ARHGEF12: variants seen among roughly 807,000 people sequenced by gnomAD.
ARHGEF12 encodes the protein KMT2A/ARHGEF12 fusion protein.
ARHGEF12 carries 66 observed loss-of-function variants against 211.2 expected under a neutral mutation model. That is an observed-to-expected ratio of 0.31 (90% CI 0.26 to 0.38). The LOEUF is 0.38. ARHGEF12 is among the 10% of genes least tolerant of loss of function. The pLI, the probability that ARHGEF12 is intolerant of heterozygous loss-of-function variation, is 1.00. For missense variants in ARHGEF12, 1,429 were observed against 1,869.5 expected, an observed-to-expected ratio of 0.76 and a Z score of 4.34; for synonymous variants, 592 against 638.4, an observed-to-expected ratio of 0.93 and a Z score of 1.09.
At chr11:120,379,698 C>A (rs575388681) in intron 1 of ARHGEF12, among the ~76,000 whole-genome samples, 2 of 151,992 alleles carry the variant, frequency 1.3e-5, no homozygotes, top group South Asian at 2.1e-4. Context: ...GTATTTTCAT[C>A]TGAGGCTTTT....
At position 120,391,290 on chromosome 11, in the gene ARHGEF12, G is replaced by C. The variant is rs551755957; in HGVS notation, c.33-14828G>C. Among the ~76,000 whole-genome samples the C allele has an allele frequency of 3.9e-5, 6 of 152,154 alleles. No individual in the cohort carries two copies. The South Asian group carries it at 1.2e-3, about 32-fold the overall frequency. Reference sequence around the variant, plus strand: ...ATGATTTTTTTCTAATAAGAATTAAGAAACCTTTGTTCTGATGATGAGCTT... The same window carrying C: ...ATGATTTTTTTCTAATAAGAATTAACAAACCTTTGTTCTGATGATGAGCTT... On this transcript the variant is annotated intron_variant, in intron 1 of 40. Coordinates refer to ENST00000397843, the MANE Select transcript of ARHGEF12 (RefSeq NM_015313.3).
chr11:120,340,105 A>G (rs1026376844), intron 1 of ARHGEF12, among the ~76,000 whole-genome samples: 13 of 152,216 alleles, frequency 8.5e-5, no homozygotes, highest in Non-Finnish European at 2.9e-5. Flanking sequence ...ACAAGTGTAG[A>G]AATGTCTGAT....
chr11:120,405,987 T>C (rs747769999), intron 1 of ARHGEF12, 131 bp from the exon 2 acceptor site: 5 of 652,748 alleles, frequency 7.7e-6, no homozygotes, highest in Non-Finnish European at 1.3e-5. Context: ...CTCCAGCTTA[T>C]TGATTCTTGC....
At chr11:120,460,824 A>T (rs1300756027) in intron 27 of ARHGEF12, 67 bp downstream of exon 27, 2 of 1,351,524 alleles carry the variant, frequency 1.5e-6, no homozygotes, top group Non-Finnish European at 2.1e-6. Context: ...CAAGTTGAGT[A>T]ACTAACCTTT....
At chr11:120,374,929 A>G (rs772143353) in intron 1 of ARHGEF12, among the ~76,000 whole-genome samples, 10 of 152,156 alleles carry the variant, frequency 6.6e-5, no homozygotes, top group Non-Finnish European at 1.5e-4. Flanking sequence ...TTTGGATATC[A>G]ACTCTCAGAA....
intron 1 of ARHGEF12, among the ~76,000 whole-genome samples, chr11:120,369,738 C>T (rs1943536210): frequency 6.6e-6 from 1 of 152,216 alleles, no homozygotes; most frequent in Non-Finnish European, 1.5e-5. Flanking sequence ...AATGTAGCTG[C>T]AACATCTGAT....
intron 1 of ARHGEF12, among the ~76,000 whole-genome samples, chr11:120,380,163 C>T (rs961095423): frequency 6.6e-6 from 1 of 152,158 alleles, no homozygotes; most frequent in Non-Finnish European, 1.5e-5. Flanking sequence ...TAGACTAATC[C>T]TTAAACTTTT....
At chr11:120,371,474 C>T (rs909720992) in intron 1 of ARHGEF12, among the ~76,000 whole-genome samples, 6 of 152,212 alleles carry the variant, frequency 3.9e-5, no homozygotes, top group East Asian at 3.9e-4. Context: ...GTAACAAGAG[C>T]GAACCTCCGT....
At chr11:120,340,620 GCTA>G (rs1942504546) in intron 1 of ARHGEF12, among the ~76,000 whole-genome samples, 1 of 151,948 alleles carries the variant, frequency 6.6e-6, no homozygotes, top group African/African-American at 2.4e-5. Flanking sequence ...AAAAAAAAGA[GCTA>G]CTCATGTTTA....
At chr11:120,380,261 C>G (rs1409800621) in intron 1 of ARHGEF12, among the ~76,000 whole-genome samples, 4 of 152,166 alleles carry the variant, frequency 2.6e-5, no homozygotes, top group Non-Finnish European at 5.9e-5. Context: ...ACCTAGTTTT[C>G]CTGATTGCTG....
In ARHGEF12 at chr11:120,441,790, A is replaced by G. The variant is rs762731345; in HGVS notation, c.1176A>G (p.Val392=). The G allele has an allele frequency of 3.1e-6, 5 of 1,613,822 alleles. No homozygotes were observed. The highest frequency in any genetic ancestry group is 2.2e-5 in the East Asian group (1 of 44,858). The change falls in exon 14 of 41, where the codon GTA becomes GTG. Residue 392 remains valine, a synonymous_variant. Transcript: ENST00000397843. The part of the protein sequence containing the change: ...PAHLAVFLHH[V]VSQFDPATLL... ...ATTTGGCTGTTTTCTTACACCATGT[A>G]GTTTCACAATTTGACCCTGCGACTT...
rs751948395 is a variant in ARHGEF12, at chr11:120,409,479, C to T, written c.199+29C>T. ...AGCTAATGTAGCTAATTCAGCCTTG[C>T]CCTTTGGAGCTTGCTTCATGGTGTT... On this transcript the variant is annotated intron_variant, in intron 4 of 40. Coordinates refer to ENST00000397843, the MANE Select transcript of ARHGEF12 (RefSeq NM_015313.3). 1.9e-6 allele frequency: 3 copies of T among 1,607,520 alleles called. No individual in the cohort carries two copies. The South Asian group carries it at 3.3e-5, about 18-fold the overall frequency.
intron 1 of ARHGEF12, among the ~76,000 whole-genome samples, chr11:120,375,307 C>CACCA (rs1235465894): frequency 2.0e-5 from 3 of 152,124 alleles, no homozygotes; most frequent in African/African-American, 7.2e-5. Flanking sequence ...GACGTCAGAA[C>CACCA]ACCAGTACAG....
chr11:120,446,230 AT>A (rs1448440285), intron 16 of ARHGEF12, among the ~76,000 whole-genome samples, 172 bp from the exon 17 acceptor site: 28 of 138,652 alleles, frequency 2.0e-4, no homozygotes, highest in African/African-American at 7.0e-4. Context: ...AATAATAATA[AT>A]AATAATAGAG....
intron 1 of ARHGEF12, among the ~76,000 whole-genome samples, chr11:120,349,966 G>A (rs1428720121): frequency 6.6e-6 from 1 of 152,186 alleles, no homozygotes; most frequent in African/African-American, 2.4e-5. Flanking sequence ...TCAGACCGTG[G>A]AACATCTCTT....
chr11:120,415,773 T>C (rs1340823059), intron 4 of ARHGEF12, among the ~76,000 whole-genome samples: 1 of 152,218 alleles, frequency 6.6e-6, no homozygotes, highest in Admixed American at 6.5e-5. Flanking sequence ...ACACCACAGA[T>C]AGACAGGACA....
chr11:120,364,383 A>G (rs1943365871), intron 1 of ARHGEF12, among the ~76,000 whole-genome samples: 1 of 152,248 alleles, frequency 6.6e-6, no homozygotes. Context: ...GTTTAAACTT[A>G]CAGAAAATAA....
chr11:120,372,786 A>G (rs1368312112), intron 1 of ARHGEF12, among the ~76,000 whole-genome samples: 2 of 152,054 alleles, frequency 1.3e-5, no homozygotes, highest in African/African-American at 4.8e-5. Flanking sequence ...TAGCTTCTCT[A>G]CCTTAGCTTT....
chr11:120,477,791 C>T (rs1449033411), intron 36 of ARHGEF12: 2 of 381,626 alleles, frequency 5.2e-6, no homozygotes, highest in East Asian at 8.5e-5. Context: ...TGCTTGAACC[C>T]AGGAGGCGGA....
Sources: allele counts gnomAD v4.1 joint callset (sites outside exome capture counted in the v4.1 genomes callset), GRCh38; gene constraint gnomAD v4.1.1; transcripts MANE v1.5; gene names NCBI Gene and HGNC (gene_info 2026-07-23, HGNC 2026-07-21).